The following FAM20C variants were observed in gnomAD, a reference collection of about 807,000 sequenced individuals.
FAM20C encodes the protein FAM20C golgi associated secretory pathway kinase, also known as extracellular serine/threonine protein kinase FAM20C.
Under a neutral mutation model 51.5 loss-of-function variants are expected in FAM20C, and 40 were observed. The ratio of observed to expected loss-of-function variants is 0.78; its 90% CI spans 0.60 to 1.01. The LOEUF is 1.01. FAM20C is among the 50% of genes least tolerant of loss of function. The pLI, the probability that FAM20C is intolerant of heterozygous loss-of-function variation, is 0.00. For missense variants in FAM20C, 861 were observed against 844.7 expected (o/e 1.02, Z -0.24); for synonymous variants, 406 against 380.6 (o/e 1.07, Z -0.78).
intron 5 of FAM20C, among the ~76,000 whole-genome samples, chr7:251,220 C>T (rs947846685): frequency 1.1e-4 from 16 of 148,472 alleles, no homozygotes; most frequent in African/African-American, 3.5e-4. Flanking sequence ...ACTGAGTGGC[C>T]GGGCACGGCG....
intron 2 of FAM20C, among the ~76,000 whole-genome samples, chr7:207,819 C>CCCAGG (rs1786504069): frequency 6.6e-6 from 1 of 151,972 alleles, no homozygotes; most frequent in African/African-American, 2.4e-5. Flanking sequence ...CCGGGGCTGC[C>CCCAGG]CCAGGCCGAG....
At chr7:204,357 G>A (rs892325226) in intron 2 of FAM20C, among the ~76,000 whole-genome samples, 6 of 152,244 alleles carry the variant, frequency 3.9e-5, no homozygotes, top group African/African-American at 1.4e-4. Flanking sequence ...TCCTTCACCT[G>A]AGGAGGGCAC....
chr7:207,639 G>A (rs554909008), intron 2 of FAM20C, among the ~76,000 whole-genome samples: 12 of 152,352 alleles, frequency 7.9e-5, no homozygotes, highest in African/African-American at 2.4e-4. Context: ...AGGGATGCCC[G>A]GCTCTTGTTC....
At chr7:242,992 CCCGGGAGACCTGTGCCA>C (rs1397951592) in intron 3 of FAM20C, among the ~76,000 whole-genome samples, 71 of 151,536 alleles carry the variant, frequency 4.7e-4, no homozygotes, top group Admixed American at 2.2e-3. Context: ...ACCTGTGCCA[CCCGGGAGACCTGTGCCA>C]CCAGGAGACC....
chr7:258,741 C>T (rs765345462), intron 9 of FAM20C, 36 bp downstream of exon 9: 91 of 1,520,930 alleles, frequency 6.0e-5, no homozygotes, highest in Middle Eastern at 5.4e-4. Flanking sequence ...CAGCTCCACC[C>T]TCCTCCCTAC....
At chr7:217,187 A>AC (rs1787023505) in intron 3 of FAM20C, among the ~76,000 whole-genome samples, 2 of 151,362 alleles carry the variant, frequency 1.3e-5, no homozygotes, top group African/African-American at 2.4e-5. Context: ...GGGGCTGCTG[A>AC]CCCCCCGAGG....
rs1221493976 is a variant in FAM20C at position 241,556 on chromosome 7, TTGTG to T, written c.864-4838_864-4835del. ...CTCCGACAGCACTGTTCTGTGGGGG[TTGTG>T]TGTGTGTGTGTGTGTGTGTGCACTC... is the stretch of plus-strand genomic sequence containing the variant. On this transcript the variant is annotated intron_variant, in intron 3 of 9. Coordinates refer to ENST00000313766, the MANE Select transcript of FAM20C (RefSeq NM_020223.4). Among the ~76,000 whole-genome samples the T allele has an allele frequency of 3.1e-3, 468 of 148,998 alleles. 1 individual carries two copies. The highest frequency in any genetic ancestry group is 5.2e-3 in the South Asian group (24 of 4,654).
At chr7:196,235 A>C (rs562768644) in intron 2 of FAM20C, among the ~76,000 whole-genome samples, 288 of 152,304 alleles carry the variant, frequency 1.9e-3, no homozygotes, top group African/African-American at 6.5e-3. Context: ...TACTGAGGAG[A>C]CATAGGCAGG....
intron 3 of FAM20C, among the ~76,000 whole-genome samples, chr7:230,985 G>A (rs758488707): frequency 6.6e-6 from 1 of 152,166 alleles, no homozygotes; most frequent in Non-Finnish European, 1.5e-5. Flanking sequence ...GGCTGAGGTG[G>A]GAGTTTCGCC....
chr7:194,042 G>A (rs994350044), intron 1 of FAM20C: 2 of 522,436 alleles, frequency 3.8e-6, no homozygotes, highest in East Asian at 3.5e-5. Context: ...TGGTGAGGAA[G>A]CCAGACCCCG....
In FAM20C at chr7:205,249, C is replaced by T. The variant is rs544722834; in HGVS notation, c.785-3649C>T. 1.0e-3 allele frequency among the ~76,000 whole-genome samples: 150 copies of T among 149,692 alleles called. 1 individual carries two copies. Among genetic ancestry groups the T allele is most frequent in the African/African-American group, 3.5e-3 (142 of 40,312 alleles). ...TCCCGAGTAGCTGGGACCACAGACA[C>T]GCACCACCACGACGTCAGCCTCCCG... On this transcript the variant is annotated intron_variant, in intron 2 of 9. Coordinates refer to ENST00000313766, the MANE Select transcript of FAM20C (RefSeq NM_020223.4).
rs62644536 is a variant in FAM20C, at chr7:259,897, C to A, written c.1672C>A (p.Arg558=). The change falls in exon 10 of 10, where the codon CGG becomes AGG. Residue 558 remains arginine, a synonymous_variant. Transcript: ENST00000313766. ...GCTCCGCGTCGTGCTAAAGGCCGTCCGGGACTGCGTGGAGAGGAACGGGCT... is the reference window on the plus strand; with the variant it reads ...GCTCCGCGTCGTGCTAAAGGCCGTCAGGGACTGCGTGGAGAGGAACGGGCT... ...RRLRVVLKAV[R]DCVERNGLHS... is the part of the protein sequence containing the mutation. 6 of 1,535,720 alleles carry A rather than the reference C, an allele frequency of 3.9e-6. No individual in the cohort carries two copies. The East Asian group carries it at 1.5e-4, about 38-fold the overall frequency.
intron 3 of FAM20C, among the ~76,000 whole-genome samples, chr7:237,652 G>A (rs1787886789): frequency 6.6e-6 from 1 of 152,060 alleles, no homozygotes; most frequent in Non-Finnish European, 1.5e-5. Context: ...TGATGGTGGA[G>A]GTGATACTGA....
At chr7:233,267 G>A (rs1029487937) in intron 3 of FAM20C, among the ~76,000 whole-genome samples, 2 of 152,050 alleles carry the variant, frequency 1.3e-5, no homozygotes, top group African/African-American at 2.4e-5. Flanking sequence ...GCCTTCTCTC[G>A]ATCATTCTGT....
chr7:259,646 G>C, intron 9 of FAM20C, 85 bp from the exon 10 acceptor site: 4 of 1,299,910 alleles, frequency 3.1e-6, no homozygotes, highest in South Asian at 3.3e-5. Context: ...CCACTCTCTC[G>C]ATCTCCCTCT....
At chr7:233,534 C>A (rs988427115) in intron 3 of FAM20C, among the ~76,000 whole-genome samples, 2 of 152,186 alleles carry the variant, frequency 1.3e-5, no homozygotes, top group African/African-American at 2.4e-5. Context: ...AGGCTGAGCT[C>A]CCCCGGGAGG....
intron 2 of FAM20C, 38 bp from the exon 3 acceptor site, chr7:208,860 C>T: frequency 1.3e-6 from 2 of 1,546,838 alleles, no homozygotes; most frequent in Admixed American, 3.9e-5. Flanking sequence ...GGGCGTGAGG[C>T]CAGAGAGTGA....
intron 4 of FAM20C, 110 bp from the exon 5 acceptor site, chr7:248,205 G>A (rs1322108348): frequency 1.3e-6 from 1 of 741,802 alleles, no homozygotes; most frequent in Non-Finnish European, 2.2e-6. Flanking sequence ...GGCCCGCTGA[G>A]CCGCACAGAG....
chr7:251,164 G>A (rs1010235476), intron 5 of FAM20C, among the ~76,000 whole-genome samples: 23 of 150,332 alleles, frequency 1.5e-4, no homozygotes, highest in Non-Finnish European at 4.5e-5. Context: ...CGGGCACGGC[G>A]GCTCACGCCT....
Sources: gnomAD v4.1 joint callset for allele counts (sites outside exome capture counted in the v4.1 genomes callset) on GRCh38, gnomAD v4.1.1 for gene constraint, MANE v1.5 for transcripts, NCBI Gene and HGNC (gene_info 2026-07-23, HGNC 2026-07-21) for gene names.